MSRB3: variants seen among roughly 807,000 people sequenced by gnomAD.
MSRB3 encodes the protein methionine-R-sulfoxide reductase B3.
In MSRB3, 13 loss-of-function variants were observed where a neutral mutation model predicts 21.0. That is an observed-to-expected ratio of 0.62 (90% CI 0.40 to 0.98). The LOEUF (loss-of-function observed/expected upper bound fraction) is 0.98, where lower values mean the gene tolerates loss of function less well. MSRB3 is among the 50% of genes least tolerant of loss of function. The pLI is 0.00. For synonymous variants in MSRB3, 87 were observed against 88.6 expected, an observed-to-expected ratio of 0.98 and a Z score of 0.10; for missense variants, 199 against 230.3, an observed-to-expected ratio of 0.86 and a Z score of 0.88.
At chr12:65,393,549 T>A (rs946422030) in intron 5 of MSRB3, among the ~76,000 whole-genome samples, 2 of 143,442 alleles carry the variant, frequency 1.4e-5, no homozygotes, top group Non-Finnish European at 3.0e-5. Context: ...GAGAATGGCG[T>A]GAACCTGGGA....
At chr12:65,335,108 T>A (rs943697124) in intron 4 of MSRB3, among the ~76,000 whole-genome samples, 1 of 152,126 alleles carries the variant, frequency 6.6e-6, no homozygotes, top group African/African-American at 2.4e-5. Flanking sequence ...CTCAGATTCA[T>A]CACCTGTAAA....
At chr12:65,423,547 C>A (rs1440298832) in intron 5 of MSRB3, among the ~76,000 whole-genome samples, 1 of 152,082 alleles carries the variant, frequency 6.6e-6, no homozygotes, top group Non-Finnish European at 1.5e-5. Context: ...GAGCTTTTAT[C>A]ATGAAAGGAT....
intron 5 of MSRB3, among the ~76,000 whole-genome samples, chr12:65,425,423 A>G (rs1452018236): frequency 6.6e-6 from 1 of 151,524 alleles, no homozygotes; most frequent in Non-Finnish European, 1.5e-5. Flanking sequence ...TTGTAGATTC[A>G]TTTTTTCCTT....
At chr12:65,320,100 T>A (rs1428301286) in intron 2 of MSRB3, among the ~76,000 whole-genome samples, 1 of 152,220 alleles carries the variant, frequency 6.6e-6, no homozygotes, top group Non-Finnish European at 1.5e-5. Context: ...TGTGCATACA[T>A]CTATAGAATA....
intron 5 of MSRB3, among the ~76,000 whole-genome samples, chr12:65,431,046 G>A (rs905127082): frequency 1.3e-5 from 2 of 152,050 alleles, no homozygotes; most frequent in Admixed American, 1.3e-4. Flanking sequence ...TACTTCATTA[G>A]ATTACTTTAG....
At chr12:65,364,704 T>A (rs1877905563) in intron 4 of MSRB3, among the ~76,000 whole-genome samples, 1 of 152,222 alleles carries the variant, frequency 6.6e-6, no homozygotes, top group Non-Finnish European at 1.5e-5. Context: ...CAAAGGGGAT[T>A]TAAGAGTCGA....
intron 2 of MSRB3, among the ~76,000 whole-genome samples, chr12:65,320,332 A>C (rs779881089): frequency 6.6e-6 from 1 of 152,196 alleles, no homozygotes; most frequent in Non-Finnish European, 1.5e-5. Context: ...CAGATGAAAT[A>C]AAACTGAAAC....
intron 1 of MSRB3, chr12:65,279,411 C>T (rs1871873670): frequency 6.6e-6 from 1 of 152,070 alleles, no homozygotes; most frequent in Admixed American, 6.5e-5. Context: ...CGGGAGCGCA[C>T]CCGCCGCCCG....
chr12:65,303,685 G>T (rs1346382254), intron 1 of MSRB3, among the ~76,000 whole-genome samples: 1 of 152,132 alleles, frequency 6.6e-6, no homozygotes, highest in Non-Finnish European at 1.5e-5. Context: ...AGGGATAAAA[G>T]ACACTGTCAC....
chr12:65,460,544 G>T (rs1241751410), intron 6 of MSRB3, among the ~76,000 whole-genome samples: 1 of 152,118 alleles, frequency 6.6e-6, no homozygotes, highest in African/African-American at 2.4e-5. Flanking sequence ...TTGAGATGAT[G>T]CTCTTCCCTT....
intron 5 of MSRB3, among the ~76,000 whole-genome samples, chr12:65,435,510 T>A (rs1882073929): frequency 2.0e-5 from 3 of 151,936 alleles, no homozygotes; most frequent in Admixed American, 2.0e-4. Context: ...TAATATTTTG[T>A]CAGAGCTATA....
At chr12:65,347,304 C>T (rs1201051635) in intron 4 of MSRB3, among the ~76,000 whole-genome samples, 1 of 152,082 alleles carries the variant, frequency 6.6e-6, no homozygotes, top group Non-Finnish European at 1.5e-5. Flanking sequence ...CCTTCACGTC[C>T]CTTGTAAGTT....
At chr12:65,370,698 C>A (rs1878270418) in intron 5 of MSRB3, among the ~76,000 whole-genome samples, 1 of 152,044 alleles carries the variant, frequency 6.6e-6, no homozygotes, top group South Asian at 2.1e-4. Flanking sequence ...AGGCACACAT[C>A]TTTCACTCTT....
At chr12:65,425,643 A>C (rs889442765) in intron 5 of MSRB3, among the ~76,000 whole-genome samples, 4 of 152,034 alleles carry the variant, frequency 2.6e-5, no homozygotes, top group African/African-American at 9.7e-5. Flanking sequence ...CTTTTGCCTC[A>C]CCCATCTCTC....
rs1481175190 is a variant in MSRB3 at position 65,392,074 on chromosome 12, G to T, written c.292+23048G>T. 3.8e-4 allele frequency among the ~76,000 whole-genome samples: 58 copies of T among 152,114 alleles called. 1 individual carries two copies. Among genetic ancestry groups the T allele is most frequent in the Non-Finnish European group, 4.4e-5 (3 of 68,018 alleles). On this transcript the variant is annotated intron_variant, in intron 5 of 6. Coordinates refer to ENST00000308259, the MANE Select transcript of MSRB3 (RefSeq NM_001031679.3). ...CTAACTTTGGTTACCAGGTCAAATTGCATTTAGAACAGATTTTCTGAATCT... is the reference window on the plus strand; with the variant it reads ...CTAACTTTGGTTACCAGGTCAAATTTCATTTAGAACAGATTTTCTGAATCT...
intron 5 of MSRB3, among the ~76,000 whole-genome samples, chr12:65,442,375 G>A (rs562043667): frequency 5.3e-5 from 8 of 152,022 alleles, no homozygotes; most frequent in Non-Finnish European, 1.2e-4. Flanking sequence ...GTTTGTCTTA[G>A]AGTCCCAAAT....
chr12:65,322,707 A>G (rs1874762266), intron 2 of MSRB3, among the ~76,000 whole-genome samples: 1 of 151,246 alleles, frequency 6.6e-6, no homozygotes, highest in Admixed American at 6.6e-5. Flanking sequence ...TATAACAACT[A>G]TGAGTTTTGC....
chr12:65,339,751 A>G (rs543446656), intron 4 of MSRB3, among the ~76,000 whole-genome samples: 2 of 152,326 alleles, frequency 1.3e-5, no homozygotes, highest in African/African-American at 4.8e-5. Flanking sequence ...TTAAATGATA[A>G]CAATAGATTC....
chr12:65,360,566 C>T (rs1031270634), intron 4 of MSRB3, among the ~76,000 whole-genome samples: 8 of 152,006 alleles, frequency 5.3e-5, no homozygotes, highest in East Asian at 3.9e-4. Context: ...TGCACCTTTT[C>T]GTCCCCTCAC....
Sources: gnomAD v4.1 joint callset for allele counts (sites outside exome capture counted in the v4.1 genomes callset) on GRCh38, gnomAD v4.1.1 for gene constraint, MANE v1.5 for transcripts, NCBI Gene and HGNC (gene_info 2026-07-23, HGNC 2026-07-21) for gene names.